CNDP1: variants seen among roughly 807,000 people sequenced by gnomAD.
CNDP1 encodes the protein carnosine dipeptidase 1, also known as beta-Ala-His dipeptidase.
Under a neutral mutation model 58.1 loss-of-function variants are expected in CNDP1, and 44 were observed. That is an observed-to-expected ratio of 0.76 (90% CI 0.60 to 0.97). The LOEUF (loss-of-function observed/expected upper bound fraction) is 0.97. Ranked by LOEUF, CNDP1 falls within the 50% of genes least tolerant of loss-of-function variation. CNDP1 has a pLI of 0.00. For missense variants in CNDP1, 616 were observed against 655.1 expected, an observed-to-expected ratio of 0.94 and a Z score of 0.65; for synonymous variants, 254 against 252.6, an observed-to-expected ratio of 1.01 and a Z score of -0.05.
At chr18:74,554,219 C>T (rs970173815) in intron 1 of CNDP1, among the ~76,000 whole-genome samples, 21 of 152,332 alleles carry the variant, frequency 1.4e-4, no homozygotes, top group African/African-American at 5.1e-4. Flanking sequence ...AACACAGGTT[C>T]TCTGTGGTCA....
At chr18:74,572,846 C>CAA (rs33911381) in intron 7 of CNDP1, among the ~76,000 whole-genome samples, 55,071 of 138,966 alleles carry the variant, frequency 0.4, 11,043 homozygotes, top group Admixed American at 0.51. Flanking sequence ...ATAGAAAAAG[C>CAA]AAAAAAAAAA....
intron 5 of CNDP1, among the ~76,000 whole-genome samples, chr18:74,565,151 A>G (rs1263127316): frequency 1.3e-5 from 2 of 152,200 alleles, no homozygotes; most frequent in Non-Finnish European, 2.9e-5. Context: ...CTATCACGAG[A>G]ATAGCATGGG....
At chr18:74,539,423 C>G (rs570487164) in intron 1 of CNDP1, among the ~76,000 whole-genome samples, 1 of 152,186 alleles carries the variant, frequency 6.6e-6, no homozygotes, top group Admixed American at 6.5e-5. Flanking sequence ...TTTCCCAGCT[C>G]CCGGAGGCTT....
Position 74,580,166 on chromosome 18 carries a change from A to G in CNDP1, c.1204A>G (p.Asn402Asp), listed in dbSNP as rs147442601. 162 of 1,613,984 alleles carry G rather than the reference A, an allele frequency of 1.0e-4. No homozygotes were observed. The highest frequency in any genetic ancestry group is 1.3e-4 in the Non-Finnish European group (158 of 1,179,864). The change falls in exon 10 of 12, where the codon AAT (asparagine) becomes GAT (aspartate). Residue 402 changes from asparagine to aspartate, a missense_variant. Coordinates refer to ENST00000358821, the MANE Select transcript of CNDP1 (RefSeq NM_032649.6). ...TCTTGAAGATGTGTTCTCCAAAAGA[A>G]ATAGTTCCAACAAGATGGTTGTTTC... ...RHLEDVFSKR[N>D]SSNKMVVSMT... is the part of the protein sequence containing the mutation.
chr18:74,549,424 T>C (rs940100429), intron 1 of CNDP1, among the ~76,000 whole-genome samples: 1 of 152,236 alleles, frequency 6.6e-6, no homozygotes, highest in Admixed American at 6.5e-5. Flanking sequence ...TATTTTATTT[T>C]CACATTGAAA....
intron 7 of CNDP1, among the ~76,000 whole-genome samples, chr18:74,575,332 G>A (rs758633483): frequency 3.9e-5 from 6 of 152,170 alleles, no homozygotes; most frequent in Non-Finnish European, 8.8e-5. Context: ...TAGAAGGCAC[G>A]CACTCTGCAA....
At chr18:74,570,234 T>A (rs868710074) in intron 6 of CNDP1, among the ~76,000 whole-genome samples, 5,686 of 83,694 alleles carry the variant, frequency 0.068, 191 homozygotes, top group African/African-American at 0.17. Flanking sequence ...ATAATAATAA[T>A]AAATAATTAA....
In CNDP1 at chr18:74,586,430, A is replaced by AAGAG. The variant is rs1170898096; in HGVS notation, c.*1872_*1875dup. The AAGAG allele has an allele frequency of 2.0e-5, 3 of 152,222 alleles. No homozygotes were observed. Among genetic ancestry groups the AAGAG allele is most frequent in the Non-Finnish European group, 4.4e-5 (3 of 68,038 alleles). 9.4% of individuals were successfully genotyped at this position (152,222 alleles called of 1,614,324 possible). A position where few individuals can be genotyped will look rare whatever the true frequency, so the allele number is the denominator to read the frequency against. On this transcript the variant is annotated 3_prime_UTR_variant, in exon 12 of 12. Coordinates refer to ENST00000358821, the MANE Select transcript of CNDP1 (RefSeq NM_032649.6). ...GGCACTGTAGATAAGGACTAACAGT[A>AAGAG]AGAGAGATTTAGAGTCTTCATGTTA...
chr18:74,577,169 G>A (rs1401612893), intron 8 of CNDP1, 140 bp downstream of exon 8: 3 of 759,042 alleles, frequency 4.0e-6, no homozygotes, highest in Non-Finnish European at 5.9e-6. Context: ...GCATATTTTT[G>A]ACATTCACAG....
chr18:74,567,199 A>T (rs1295718028), intron 5 of CNDP1, 34 bp from the exon 6 acceptor site: 2 of 1,567,426 alleles, frequency 1.3e-6, no homozygotes, highest in East Asian at 2.2e-5. Flanking sequence ...ACATCAGGCA[A>T]CTTGTGCAAT....
intron 9 of CNDP1, among the ~76,000 whole-genome samples, chr18:74,578,740 G>A (rs947407406): frequency 4.6e-5 from 7 of 152,186 alleles, no homozygotes; most frequent in African/African-American, 1.7e-4. Flanking sequence ...AAGTTAGATG[G>A]TAGATATAAA....
chr18:74,571,047 C>G, intron 6 of CNDP1, 139 bp from the exon 7 acceptor site: 1 of 592,862 alleles, frequency 1.7e-6, no homozygotes, highest in Non-Finnish European at 3.0e-6. Flanking sequence ...CTGAGAAACA[C>G]AGAAAGTGAA....
intron 1 of CNDP1, among the ~76,000 whole-genome samples, chr18:74,540,257 A>G (rs986144973): frequency 6.6e-6 from 1 of 151,428 alleles, no homozygotes; most frequent in Non-Finnish European, 1.5e-5. Flanking sequence ...TCCTGGGTTC[A>G]AGCGATTCTT....
chr18:74,553,328 A>G (rs1335496154), intron 1 of CNDP1, among the ~76,000 whole-genome samples: 1 of 152,038 alleles, frequency 6.6e-6, no homozygotes, highest in Non-Finnish European at 1.5e-5. Flanking sequence ...TATCTAAGAA[A>G]CCATCACCTC....
chr18:74,575,867 AT>A (rs34962477), intron 7 of CNDP1, among the ~76,000 whole-genome samples: 16,686 of 94,468 alleles, frequency 0.18, 961 homozygotes, highest in African/African-American at 0.22. Flanking sequence ...GTGTGTATAC[AT>A]TTTTTTTTTT....
At chr18:74,566,573 T>TAAAAC (rs1981332931) in intron 5 of CNDP1, among the ~76,000 whole-genome samples, 1 of 152,350 alleles carries the variant, frequency 6.6e-6, no homozygotes, top group Non-Finnish European at 1.5e-5. Context: ...GTCTCTTTGC[T>TAAAAC]AAAACAAAAC....
intron 5 of CNDP1, among the ~76,000 whole-genome samples, chr18:74,566,574 A>G (rs768808336): frequency 1.1e-4 from 17 of 152,244 alleles, no homozygotes; most frequent in Non-Finnish European, 2.1e-4. Flanking sequence ...TCTCTTTGCT[A>G]AAACAAAACA....
At chr18:74,583,838 C>A in intron 11 of CNDP1, 130 bp downstream of exon 11, 1 of 901,364 alleles carries the variant, frequency 1.1e-6, no homozygotes, top group Non-Finnish European at 1.7e-6. Flanking sequence ...GCTTAAAGAA[C>A]AGACATTCAT....
Position 74,562,074 on chromosome 18 carries a change from A to G in CNDP1, c.494A>G (p.Asp165Gly), listed in dbSNP as rs771780063. The G allele has an allele frequency of 8.7e-6, 14 of 1,614,012 alleles. No individual in the cohort carries two copies. The highest frequency in any genetic ancestry group is 3.3e-5 in the Admixed American group (2 of 59,998). Residue 165 changes from aspartate to glycine, a missense_variant, in exon 5 of 12, where the codon GAC becomes GGC. Coordinates refer to ENST00000358821, the MANE Select transcript of CNDP1 (RefSeq NM_032649.6). Reference protein sequence around the residue: ...DGKLYGRGATDNKGPVLAWIN... With the variant: ...DGKLYGRGATGNKGPVLAWIN... ...AAACTTTATGGACGAGGAGCGACCG[A>G]CAACAAAGGCCCTGTCTTGGCTTGG...
Sources: gnomAD v4.1 joint callset for allele counts (sites outside exome capture counted in the v4.1 genomes callset) on GRCh38, gnomAD v4.1.1 for gene constraint, MANE v1.5 for transcripts, NCBI Gene and HGNC (gene_info 2026-07-23, HGNC 2026-07-21) for gene names.